ANO4: variants seen among roughly 807,000 people sequenced by gnomAD.
ANO4 encodes the protein anoctamin 4.
Under a neutral mutation model 141.9 loss-of-function variants are expected in ANO4, and 69 were observed. The ratio of observed to expected loss-of-function variants is 0.49; its 90% CI spans 0.40 to 0.59. The LOEUF (loss-of-function observed/expected upper bound fraction) is 0.59. Among genes scored for constraint, ANO4 ranks in the 20% least tolerant of loss-of-function variants. The probability of loss-of-function intolerance (pLI) is 0.00; values close to 1 mark genes in which losing one functional copy is unlikely to be tolerated. For synonymous variants in ANO4, 350 were observed against 394.3 expected (o/e 0.89, Z 1.33); for missense variants, 894 against 1,162.2 (o/e 0.77, Z 3.36).
At chr12:101,006,892 T>C (rs1196029039) in intron 8 of ANO4, among the ~76,000 whole-genome samples, 1 of 152,218 alleles carries the variant, frequency 6.6e-6, no homozygotes, top group Non-Finnish European at 1.5e-5. Flanking sequence ...TTCTTAAGTT[T>C]GTTAGTGGGT....
chr12:100,722,994 T>C (rs2030935621), intron 1 of ANO4, among the ~76,000 whole-genome samples: 1 of 152,038 alleles, frequency 6.6e-6, no homozygotes, highest in Non-Finnish European at 1.5e-5. Flanking sequence ...TCTTGTTTTT[T>C]CCCTACACCA....
chr12:100,954,981 TA>T (rs1053362911), intron 5 of ANO4, among the ~76,000 whole-genome samples: 25 of 152,118 alleles, frequency 1.6e-4, no homozygotes, highest in African/African-American at 5.6e-4. Context: ...AAAGACAAGC[TA>T]AAAATTCCTT....
intron 5 of ANO4, among the ~76,000 whole-genome samples, chr12:100,961,774 G>C (rs2043436540): frequency 6.6e-6 from 1 of 152,096 alleles, no homozygotes; most frequent in African/African-American, 2.4e-5. Context: ...ATCTCAATTT[G>C]AACTAGTTAT....
rs35462149 is a variant in ANO4 at position 100,801,093 on chromosome 12, GTCTC to G, written c.-141+6095_-141+6098del. Among the ~76,000 whole-genome samples the G allele has an allele frequency of 2.8e-3, 406 of 146,772 alleles. 2 individuals are homozygous for G. The highest frequency in any genetic ancestry group is 5.8e-3 in the African/African-American group (230 of 39,748). ...GACCTTACAGACTGTTTGTCTACTTGTCTCTCTCTCTCTCTCTCTCTCTCTCTCT... is the reference window on the plus strand; with the variant it reads ...GACCTTACAGACTGTTTGTCTACTTGTCTCTCTCTCTCTCTCTCTCTCTCT... On this transcript the variant is annotated intron_variant, in intron 1 of 27. Transcript: ENST00000392977.
At chr12:101,084,080 T>C (rs2049390067) in intron 16 of ANO4, among the ~76,000 whole-genome samples, 1 of 152,212 alleles carries the variant, frequency 6.6e-6, no homozygotes, top group Non-Finnish European at 1.5e-5. Flanking sequence ...TAATCTGATA[T>C]TCTTTCCTCT....
rs542453073 is a variant in ANO4, at chr12:100,882,186, A to G, written c.-140-19460A>G. 1.1e-4 allele frequency among the ~76,000 whole-genome samples: 17 copies of G among 152,306 alleles called. No individual in the cohort carries two copies. The South Asian group carries it at 3.5e-3, about 32-fold the overall frequency. ...ATCTTCAAACCAACCCTGTGGGGTA[A>G]ATGTTACTATTAATCTCATAATTAG... is the stretch of plus-strand genomic sequence containing the variant. On this transcript the variant is annotated intron_variant, in intron 1 of 27. Coordinates refer to ENST00000392977, the MANE Select transcript of ANO4 (RefSeq NM_001286615.2).
chr12:100,872,287 A>G (rs1823890669), intron 1 of ANO4, among the ~76,000 whole-genome samples: 1 of 152,114 alleles, frequency 6.6e-6, no homozygotes, highest in African/African-American at 2.4e-5. Flanking sequence ...GCATCACAAC[A>G]TGATGGATCC....
chr12:100,947,428 C>T (rs1442362532), intron 5 of ANO4, among the ~76,000 whole-genome samples: 3 of 152,190 alleles, frequency 2.0e-5, no homozygotes, highest in Admixed American at 6.5e-5. Flanking sequence ...AAGGCCAACC[C>T]TTCACTTTGC....
intron 5 of ANO4, among the ~76,000 whole-genome samples, chr12:100,957,591 T>A (rs927241710): frequency 1.3e-5 from 2 of 152,198 alleles, no homozygotes; most frequent in African/African-American, 2.4e-5. Flanking sequence ...CATTTTTTAA[T>A]TTATTATTTT....
At chr12:100,801,477 C>T (rs2034684484) in intron 1 of ANO4, among the ~76,000 whole-genome samples, 1 of 150,124 alleles carries the variant, frequency 6.7e-6, no homozygotes, top group Non-Finnish European at 1.5e-5. Flanking sequence ...CAAAGCATTG[C>T]ATTAAGTACC....
At chr12:100,996,578 G>A (rs556284774) in intron 8 of ANO4, among the ~76,000 whole-genome samples, 12 of 152,262 alleles carry the variant, frequency 7.9e-5, no homozygotes, top group East Asian at 1.9e-4. Flanking sequence ...CCAGCTACTC[G>A]GGAAGCTGAG....
intron 5 of ANO4, among the ~76,000 whole-genome samples, chr12:100,963,755 C>A (rs1566063457): frequency 6.6e-6 from 1 of 152,078 alleles, no homozygotes; most frequent in Non-Finnish European, 1.5e-5. Context: ...TAAAGGAGCC[C>A]TTTAACCCTC....
intron 8 of ANO4, among the ~76,000 whole-genome samples, chr12:101,000,413 T>C (rs1040238987): frequency 1.3e-5 from 2 of 152,258 alleles, no homozygotes; most frequent in South Asian, 4.1e-4. Flanking sequence ...CCTTTTACTG[T>C]ATTTTTGTTT....
intron 4 of ANO4, among the ~76,000 whole-genome samples, chr12:100,939,672 C>G (rs1393480160): frequency 2.6e-5 from 4 of 152,076 alleles, no homozygotes; most frequent in Non-Finnish European, 5.9e-5. Flanking sequence ...TTTCTTAAAC[C>G]TATCATTTTT....
chr12:100,801,834 A>G (rs1222878523), intron 1 of ANO4, among the ~76,000 whole-genome samples: 2 of 152,172 alleles, frequency 1.3e-5, no homozygotes, highest in African/African-American at 2.4e-5. Flanking sequence ...GGAACTCTAA[A>G]TGCTGTTTAT....
At chr12:100,755,550 T>A (rs1315767931) in intron 3 of ANO4, among the ~76,000 whole-genome samples, 1 of 152,242 alleles carries the variant, frequency 6.6e-6, no homozygotes, top group Non-Finnish European at 1.5e-5. Context: ...ATGACTTGAT[T>A]ATTTAAGTCT....
intron 9 of ANO4, among the ~76,000 whole-genome samples, chr12:101,032,753 C>T (rs1272307013): frequency 6.6e-6 from 1 of 151,324 alleles, no homozygotes; most frequent in African/African-American, 2.4e-5. Flanking sequence ...AAATGCAAAT[C>T]AAAACCACAA....
intron 24 of ANO4, among the ~76,000 whole-genome samples, chr12:101,114,809 A>C (rs2050790327): frequency 6.6e-6 from 1 of 152,136 alleles, no homozygotes; most frequent in Non-Finnish European, 1.5e-5. Flanking sequence ...GACAGTTCCT[A>C]GGTAAGGGAG....
intron 2 of ANO4, among the ~76,000 whole-genome samples, chr12:100,902,501 G>A (rs2040639967): frequency 6.6e-6 from 1 of 152,152 alleles, no homozygotes; most frequent in South Asian, 2.1e-4. Flanking sequence ...CAGTGACCAA[G>A]GCAATGTTCC....
Sources: gnomAD v4.1 joint callset for allele counts (sites outside exome capture counted in the v4.1 genomes callset) on GRCh38, gnomAD v4.1.1 for gene constraint, MANE v1.5 for transcripts, NCBI Gene and HGNC (gene_info 2026-07-23, HGNC 2026-07-21) for gene names.